The following HOXA10 variants were observed in gnomAD, a reference collection of about 807,000 sequenced individuals.
The protein encoded by HOXA10 is homeobox A10.
A neutral mutation model predicts 29.7 loss-of-function variants in HOXA10; 12 were observed. That is an observed-to-expected ratio of 0.40 (90% CI 0.26 to 0.65). HOXA10 has a LOEUF of 0.65. Among genes scored for constraint, HOXA10 ranks in the 30% least tolerant of loss-of-function variants. The pLI, the probability that HOXA10 is intolerant of heterozygous loss-of-function variation, is 0.37. For missense variants in HOXA10, 656 were observed against 585.9 expected (o/e 1.12, Z -1.24); for synonymous variants, 327 against 280.7 (o/e 1.16, Z -1.65).
intron 1 of HOXA10, among the ~76,000 whole-genome samples, chr7:27,179,435 T>G (rs1013008926): frequency 6.6e-6 from 1 of 152,066 alleles, no homozygotes; most frequent in Non-Finnish European, 1.5e-5. Flanking sequence ...AAGATTCGCC[T>G]TGAGTGAAAT....
Position 27,173,854 on chromosome 7 carries a change from C to A in HOXA10, c.453G>T (p.Ala151=), listed in dbSNP as rs1783583030. The stretch of plus-strand genomic sequence containing the variant: ...CGAAAGAGCACGAGGTGGCCTGCGG[C>A]GCTGGCTGGGGTGGTTGCGGCGGGG... ...PPPPPQPPQP[A]PQATSCSFAQ... The change falls in exon 1 of 2, where the codon GCG becomes GCT. Residue 151 remains alanine (A), a synonymous_variant. Coordinates refer to ENST00000283921, the MANE Select transcript of HOXA10 (RefSeq NM_018951.4). 6.2e-7 allele frequency: 1 copy of A among 1,606,860 alleles called. No homozygotes were observed. The highest frequency in any genetic ancestry group is 8.5e-7 in the Non-Finnish European group (1 of 1,177,088).
Position 27,173,779 on chromosome 7 carries a change from G to T in HOXA10, c.528C>A (p.Asp176Glu). The T allele has an allele frequency of 6.2e-7, 1 of 1,610,056 alleles. No individual in the cohort carries two copies. The highest frequency in any genetic ancestry group is 8.5e-7 in the Non-Finnish European group (1 of 1,178,404). The change falls in exon 1 of 2, where the codon GAC becomes GAA. Residue 176 changes from aspartate to glutamate, a missense_variant. Asp to Glu is a conservative substitution (Grantham distance 45, BLOSUM62 2). Transcript: ENST00000283921. Reference sequence around the variant, plus strand: ...CGGTGGCCGAGACTTTGGGGCATTTGTCCGCCGAGTCGTAGAGGCAGTAGG... The same window carrying T: ...CGGTGGCCGAGACTTTGGGGCATTTTTCCGCCGAGTCGTAGAGGCAGTAGG... ...ESSYCLYDSADKCPKVSATAA... is the reference protein window; with the variant it reads ...ESSYCLYDSAEKCPKVSATAA...
upstream of HOXA10, among the ~76,000 whole-genome samples, chr7:27,179,092 T>G (rs894579094): frequency 5.3e-5 from 8 of 152,240 alleles, no homozygotes; most frequent in African/African-American, 1.9e-4. Context: ...CAGAGACTTG[T>G]CTGGCACTCT....
Position 27,171,005 on chromosome 7 carries a change from T to C in HOXA10, c.*894A>G, listed in dbSNP as rs1231986368. On this transcript the variant is annotated 3_prime_UTR_variant, in exon 2 of 2. Transcript: ENST00000283921. ...TTCAAGGCGATTTAAAAAAACAACT[T>C]CACAAGATAGGGAGAATTGTGGTGT... 2.2e-6 allele frequency: 1 copy of C among 453,688 alleles called. No homozygotes were observed. Among genetic ancestry groups the C allele is most frequent in the Non-Finnish European group, 4.4e-6 (1 of 226,664 alleles). 28.1% of individuals were successfully genotyped at this position (453,688 alleles called of 1,614,324 possible).
chr7:27,178,387 A>G (rs1783691015), upstream of HOXA10, among the ~76,000 whole-genome samples: 1 of 152,250 alleles, frequency 6.6e-6, no homozygotes, highest in Non-Finnish European at 1.5e-5. Flanking sequence ...TTTTGAATCT[A>G]TCAGGTGCAA....
upstream of HOXA10, among the ~76,000 whole-genome samples, chr7:27,176,688 C>T (rs1220902611): frequency 6.6e-6 from 1 of 152,196 alleles, no homozygotes; most frequent in Non-Finnish European, 1.5e-5. Context: ...TAGAGTCATG[C>T]CTCTCCAGGC....
rs1465734103 is a variant in HOXA10 at position 27,173,756 on chromosome 7, G to A, written c.551C>T (p.Thr184Ile). Reference protein sequence around the residue: ...SADKCPKVSATAAELAPFPRG... With the variant: ...SADKCPKVSAIAAELAPFPRG... Reference sequence around the variant, plus strand: ...CGGGAAGGGAGCCAGTTCGGCGGCGGTGGCCGAGACTTTGGGGCATTTGTC... The same window carrying A: ...CGGGAAGGGAGCCAGTTCGGCGGCGATGGCCGAGACTTTGGGGCATTTGTC... Residue 184 changes from threonine to isoleucine, a missense_variant, in exon 1 of 2, where the codon ACC becomes ATC. By Grantham distance (89) the Thr-to-Ile change is moderately conservative (BLOSUM62 -1). Coordinates refer to ENST00000283921, the MANE Select transcript of HOXA10 (RefSeq NM_018951.4). The A allele has an allele frequency of 6.2e-7, 1 of 1,604,934 alleles. No individual in the cohort carries two copies. The highest frequency in any genetic ancestry group is 8.5e-7 in the Non-Finnish European group (1 of 1,176,264).
intron 1 of HOXA10, chr7:27,172,591 G>C (rs1200902655): frequency 3.9e-6 from 1 of 258,426 alleles, no homozygotes; most frequent in Non-Finnish European, 7.5e-6. Flanking sequence ...CAGCTTGGCT[G>C]TCTCACCCCA....
rs1562509565 is a variant in HOXA10, at chr7:27,171,793, G to A, written c.*106C>T. 4.4e-6 allele frequency: 5 copies of A among 1,130,442 alleles called. No individual in the cohort carries two copies. Among genetic ancestry groups the A allele is most frequent in the Admixed American group, 1.7e-5 (1 of 59,418 alleles). 70.0% of individuals were successfully genotyped at this position (1,130,442 alleles called of 1,614,324 possible). On this transcript the variant is annotated 3_prime_UTR_variant, in exon 2 of 2. Coordinates refer to ENST00000283921, the MANE Select transcript of HOXA10 (RefSeq NM_018951.4). ...CCCAGGAGATGGCGAGTGTGGGAGG[G>A]AGGAACAGGGCTCCAGCACAGGTGC... is the stretch of plus-strand genomic sequence containing the variant.
rs758334867 is a variant in HOXA10, at chr7:27,173,706, C to T, written c.601G>A (p.Ala201Thr). 1.3e-6 allele frequency: 2 copies of T among 1,572,616 alleles called. No individual in the cohort carries two copies. Among genetic ancestry groups the T allele is most frequent in the East Asian group, 2.4e-5 (1 of 42,130 alleles). Residue 201 changes from alanine (A) to threonine (T), a missense_variant, in exon 1 of 2, where the codon GCC becomes ACC. This residue lies in a region of HOXA10 where 594 missense variants were observed against 491.9 expected (regional missense o/e 1.21). Transcript: ENST00000283921. Reference protein sequence around the residue: ...FPRGPPPDGCALGTSSGVPVP... With the variant: ...FPRGPPPDGCTLGTSSGVPVP... ...GGCACCCCGCTGGAGGTGCCCAGGG[C>T]GCAGCCGTCGGGCGGCGGGCCCCGC...
At position 27,173,383 on chromosome 7, in the gene HOXA10, C is replaced by T. The variant is rs756362549; in HGVS notation, c.924G>A (p.Glu308=). ...CCTTCTCCGGCGAGGCTTTGCTGCTCTCGGAAGGGGCCGGGGAGAGCTCCT... is the reference window on the plus strand; with the variant it reads ...CCTTCTCCGGCGAGGCTTTGCTGCTTTCGGAAGGGGCCGGGGAGAGCTCCT... ...AAEELSPAPS[E]SSKASPEKDS... is the part of the protein sequence containing the mutation. Residue 308 remains glutamate (E), a synonymous_variant, in exon 1 of 2, where the codon GAG becomes GAA. Coordinates refer to ENST00000283921, the MANE Select transcript of HOXA10 (RefSeq NM_018951.4). 1.2e-6 allele frequency: 2 copies of T among 1,611,900 alleles called. No homozygotes were observed. The highest frequency in any genetic ancestry group is 1.1e-5 in the South Asian group (1 of 91,036).
At chr7:27,174,344 C>T (rs1412868178), upstream of HOXA10, 44 of 1,593,330 alleles carry the variant, frequency 2.8e-5, no homozygotes, top group Non-Finnish European at 3.7e-5. Flanking sequence ...TTAGCAATCC[C>T]CCCGCACCGC....
At chr7:27,179,055 A>G (rs906434330), upstream of HOXA10, among the ~76,000 whole-genome samples, 3 of 152,260 alleles carry the variant, frequency 2.0e-5, no homozygotes, top group Non-Finnish European at 4.4e-5. Flanking sequence ...AGCTGGGTTT[A>G]TAACAGCGTA....
chr7:27,177,906 A>C (rs1783681450), upstream of HOXA10, among the ~76,000 whole-genome samples: 1 of 152,188 alleles, frequency 6.6e-6, no homozygotes, highest in South Asian at 2.1e-4. Flanking sequence ...TTAGGAGGAA[A>C]TATTGCCCAT....
At position 27,173,973 on chromosome 7, in the gene HOXA10, G is replaced by T. The variant is rs747393933; in HGVS notation, c.334C>A (p.Pro112Thr). ...TCTAGCCACAGGTCTATGGGCGAGG[G>T]CCCGTAGCCGTGCGCCCCGGGACCT... ...GLGPGAHGYG[P>T]SPIDLWLDAP... The change falls in exon 1 of 2, where the codon CCC becomes ACC. Residue 112 changes from proline (P) to threonine (T), a missense_variant. Physicochemically the swap from Pro to Thr is conservative, Grantham distance 38. This residue lies in a region of HOXA10 where 594 missense variants were observed against 491.9 expected (regional missense o/e 1.21). Transcript: ENST00000283921. 7.9e-6 allele frequency: 12 copies of T among 1,528,656 alleles called. No homozygotes were observed. In the East Asian group the frequency reaches 2.5e-4, roughly 32 times the overall value. The allele number at this position is 1,528,656 out of a possible 1,614,324, so 94.7% of individuals were successfully genotyped here. A position where few individuals can be genotyped will look rare whatever the true frequency, so the allele number is the denominator to read the frequency against.
chr7:27,172,531 G>A, intron 1 of HOXA10: 1 of 335,906 alleles, frequency 3.0e-6, no homozygotes, highest in South Asian at 2.8e-5. Flanking sequence ...AGCATTTCCT[G>A]TAGCCCCCAG....
rs1783468399 is a variant in HOXA10 at position 27,171,109 on chromosome 7, T to A, written c.*790A>T. ...TTCCAAATGCATAAACAAAACTACATTATTTATCTACAGCCAGAAGGATAT... is the reference window on the plus strand; with the variant it reads ...TTCCAAATGCATAAACAAAACTACAATATTTATCTACAGCCAGAAGGATAT... On this transcript the variant is annotated 3_prime_UTR_variant, in exon 2 of 2. Transcript: ENST00000283921. The A allele has an allele frequency of 2.2e-6, 1 of 450,898 alleles. No individual in the cohort carries two copies. The highest frequency in any genetic ancestry group is 4.4e-6 in the Non-Finnish European group (1 of 225,942). 27.9% of individuals were successfully genotyped at this position (450,898 alleles called of 1,614,324 possible). A position where few individuals can be genotyped will look rare whatever the true frequency, so the allele number is the denominator to read the frequency against.
Position 27,172,005 on chromosome 7 carries a change from G to C in HOXA10, c.1127C>G (p.Thr376Arg), listed in dbSNP as rs1783506639. The C allele has an allele frequency of 6.2e-7, 1 of 1,613,956 alleles. No homozygotes were observed. The change falls in exon 2 of 2, where the codon ACG becomes AGG. Residue 376 changes from threonine to arginine, a missense_variant. By Grantham distance (71) the Thr-to-Arg change is moderately conservative. Transcript: ENST00000283921. Reference protein sequence around the residue: ...RLEISRSVHLTDRQVKIWFQN... With the variant: ...RLEISRSVHLRDRQVKIWFQN... ...AAACCAGATTTTCACTTGTCTGTCC[G>C]TGAGGTGGACGCTGCGGCTAATCTC...
chr7:27,174,332 G>C, upstream of HOXA10: 2 of 1,597,036 alleles, frequency 1.3e-6, no homozygotes, highest in Non-Finnish European at 1.7e-6. Flanking sequence ...TGCTGAATAC[G>C]ATTAGCAATC....
Sources: allele counts gnomAD v4.1 joint callset (sites outside exome capture counted in the v4.1 genomes callset), GRCh38; gene constraint gnomAD v4.1.1; regional missense constraint gnomAD v4.1.1; transcripts MANE v1.5; gene names NCBI Gene and HGNC (gene_info 2026-07-23, HGNC 2026-07-21).